MAPK10: variants seen among roughly 807,000 people sequenced by gnomAD.
MAPK10 encodes JNK3 alpha protein kinase.
MAPK10 carries 25 observed loss-of-function variants against 59.3 expected under a neutral mutation model. That is an observed-to-expected ratio of 0.42 (90% confidence interval 0.31 to 0.59). MAPK10 has a LOEUF of 0.59. Ranked by LOEUF, MAPK10 falls within the 20% of genes least tolerant of loss-of-function variation. The pLI is 0.15. For synonymous variants in MAPK10, 190 were observed against 200.5 expected (o/e 0.95, Z 0.44); for missense variants, 351 against 568.9 (o/e 0.62, Z 3.90).
At chr4:86,028,757 C>G (rs1335073078) in intron 13 of MAPK10, 1 of 185,876 alleles carries the variant, frequency 5.4e-6, no homozygotes, top group African/African-American at 2.4e-5. Flanking sequence ...TAACCGGAGC[C>G]CATCTTGGTA....
At chr4:86,175,369 T>C (rs2075443808) in intron 3 of MAPK10, among the ~76,000 whole-genome samples, 1 of 152,166 alleles carries the variant, frequency 6.6e-6, no homozygotes, top group African/African-American at 2.4e-5. Flanking sequence ...ACGTTATTCT[T>C]AAACCCTGTG....
chr4:86,367,152 G>A (rs753443413), intron 1 of MAPK10, among the ~76,000 whole-genome samples: 5 of 152,128 alleles, frequency 3.3e-5, no homozygotes, highest in Non-Finnish European at 7.4e-5. Context: ...AGATTATTAT[G>A]TCATGAATTA....
In MAPK10 at chr4:86,057,553, A is replaced by G. The variant is rs2044834676; in HGVS notation, c.1110+6713T>C. Among the ~76,000 whole-genome samples, 2 of 150,064 alleles carry G rather than the reference A, an allele frequency of 1.3e-5. 1 individual carries two copies. The highest frequency in any genetic ancestry group is 1.3e-4 in the Admixed American group (2 of 15,154). On this transcript the variant is annotated intron_variant, in intron 11 of 13. Coordinates refer to ENST00000641462, the MANE Select transcript of MAPK10 (RefSeq NM_138982.4). ...AGATTCTCATTCAATAGAAATTGCT[A>G]TTAACTATTAGAAACCTACCAAGAA...
chr4:86,347,121 C>T (rs1728706402), intron 2 of MAPK10, among the ~76,000 whole-genome samples: 1 of 151,984 alleles, frequency 6.6e-6, no homozygotes, highest in East Asian at 1.9e-4. Flanking sequence ...TCCAAAAGTA[C>T]AAATAGAAAG....
chr4:86,248,914 C>G (rs942466172), intron 2 of MAPK10, among the ~76,000 whole-genome samples: 1 of 152,096 alleles, frequency 6.6e-6, no homozygotes, highest in Non-Finnish European at 1.5e-5. Flanking sequence ...TCAATAAAGG[C>G]ACTATTGGAA....
At chr4:86,381,150 A>G (rs890194896) in intron 1 of MAPK10, among the ~76,000 whole-genome samples, 1 of 152,190 alleles carries the variant, frequency 6.6e-6, no homozygotes, top group Non-Finnish European at 1.5e-5. Flanking sequence ...AGGATCTGGC[A>G]GTACTGGGGC....
intron 11 of MAPK10, among the ~76,000 whole-genome samples, chr4:86,042,983 G>A (rs2041867219): frequency 1.3e-5 from 2 of 152,136 alleles, no homozygotes; most frequent in Admixed American, 1.3e-4. Flanking sequence ...AGAAAGTAGT[G>A]CCATGAATTG....
chr4:86,116,720 T>A (rs1255297718), intron 4 of MAPK10, among the ~76,000 whole-genome samples: 2 of 152,236 alleles, frequency 1.3e-5, no homozygotes, highest in Non-Finnish European at 2.9e-5. Flanking sequence ...CCCTGCTGCT[T>A]ACTAAATGTG....
chr4:86,391,528 G>A (rs557427916), intron 1 of MAPK10, among the ~76,000 whole-genome samples: 207 of 152,116 alleles, frequency 1.4e-3, no homozygotes, highest in Non-Finnish European at 2.1e-3. Flanking sequence ...GTGTGGAGTG[G>A]AAAATGAATC....
chr4:86,329,176 T>C (rs1331973878), intron 2 of MAPK10, among the ~76,000 whole-genome samples: 2 of 152,184 alleles, frequency 1.3e-5, no homozygotes, highest in Non-Finnish European at 2.9e-5. Flanking sequence ...AATAAACTTC[T>C]GTGCTTTATA....
At chr4:86,437,012 A>T (rs1410738788) in intron 1 of MAPK10, among the ~76,000 whole-genome samples, 1 of 152,072 alleles carries the variant, frequency 6.6e-6, no homozygotes, top group Non-Finnish European at 1.5e-5. Context: ...GGAGATCGAG[A>T]CCATCCTGGC....
intron 5 of MAPK10, among the ~76,000 whole-genome samples, chr4:86,105,306 A>C (rs1200499871): frequency 6.6e-6 from 1 of 152,174 alleles, no homozygotes; most frequent in Admixed American, 6.6e-5. Flanking sequence ...CTTCATAAAA[A>C]GTTCCAGAAA....
chr4:86,040,876 A>G (rs2041377759), intron 11 of MAPK10: 1 of 152,210 alleles, frequency 6.6e-6, no homozygotes, highest in Non-Finnish European at 1.5e-5. Context: ...ACTGTACCCC[A>G]CAAAGTTGTC....
intron 1 of MAPK10, among the ~76,000 whole-genome samples, chr4:86,412,290 C>T (rs888439289): frequency 4.6e-5 from 7 of 152,156 alleles, no homozygotes; most frequent in African/African-American, 1.7e-4. Context: ...GATGGACTTC[C>T]CTTTGTGGGT....
chr4:86,068,163 A>C (rs2047094440), intron 9 of MAPK10, among the ~76,000 whole-genome samples: 1 of 152,196 alleles, frequency 6.6e-6, no homozygotes, highest in Non-Finnish European at 1.5e-5. Context: ...ATACTTTTGG[A>C]AAACTAGCAA....
chr4:86,360,364 A>G (rs1272130749), upstream of MAPK10: 1 of 171,132 alleles, frequency 5.8e-6, no homozygotes, highest in Non-Finnish European at 1.2e-5. Flanking sequence ...AGCACGGAGG[A>G]GCAAATACCA....
At chr4:86,078,725 C>T (rs533346888) in intron 9 of MAPK10, among the ~76,000 whole-genome samples, 3 of 152,202 alleles carry the variant, frequency 2.0e-5, no homozygotes, top group African/African-American at 7.2e-5. Flanking sequence ...GACAGAGGCT[C>T]ATGCATGTAA....
chr4:86,399,942 C>T (rs1299208699), intron 1 of MAPK10: 1 of 152,086 alleles, frequency 6.6e-6, no homozygotes. Context: ...TTATCTACTT[C>T]CTATAGAAAA....
intron 3 of MAPK10, among the ~76,000 whole-genome samples, chr4:86,181,949 A>G (rs567463214): frequency 8.1e-4 from 123 of 152,256 alleles, no homozygotes; most frequent in Middle Eastern, 3.4e-3. Context: ...AGTTTTTTAA[A>G]TTCATAGAGT....
Sources: allele counts gnomAD v4.1 joint callset (sites outside exome capture counted in the v4.1 genomes callset), GRCh38; gene constraint gnomAD v4.1.1; transcripts MANE v1.5; gene names NCBI Gene and HGNC (gene_info 2026-07-23, HGNC 2026-07-21).